Variants in SERPIND1 observed in about 807,000 individuals in gnomAD.
The protein encoded by SERPIND1 is serpin family D member 1, also known as heparin cofactor 2.
In SERPIND1, 34 loss-of-function variants were observed where a neutral mutation model predicts 35.0. The observed-to-expected ratio is 0.97, with a 90% CI of 0.74 to 1.29. SERPIND1 has a LOEUF of 1.29. Among genes scored for constraint, SERPIND1 ranks in the 50% most tolerant of loss-of-function variants. SERPIND1 has a pLI of 0.00. For synonymous variants in SERPIND1, 236 were observed against 241.1 expected (o/e 0.98, Z 0.19); for missense variants, 633 against 637.7 (o/e 0.99, Z 0.08).
intron 2 of SERPIND1, among the ~76,000 whole-genome samples, chr22:20,781,893 T>C (rs1011732907): frequency 5.9e-5 from 9 of 152,210 alleles, no homozygotes; most frequent in African/African-American, 2.2e-4. Flanking sequence ...ATCACAGAGA[T>C]GACACCCACT....
rs1555894632 is a variant in SERPIND1, at chr22:20,785,067, C to CTT, written c.1163+841_1163+842dup. Reference sequence around the variant, plus strand: ...GCAGCTCTTGAGAAAGGGACTGCATCTTTTTTTTTTTTTTTTTTTTGAGAC... The same window carrying CTT: ...GCAGCTCTTGAGAAAGGGACTGCATCTTTTTTTTTTTTTTTTTTTTTTGAGAC... On this transcript the variant is annotated intron_variant, in intron 3 of 4. Transcript: ENST00000215727. 9.4e-4 allele frequency among the ~76,000 whole-genome samples: 126 copies of CTT among 134,422 alleles called. 1 individual carries two copies. Among genetic ancestry groups the CTT allele is most frequent in the African/African-American group, 3.0e-3 (108 of 36,366 alleles). 88.2% of individuals were successfully genotyped at this position (134,422 alleles called of 152,430 possible).
intron 1 of SERPIND1, among the ~76,000 whole-genome samples, chr22:20,777,373 C>G (rs954915822): frequency 6.6e-6 from 1 of 152,024 alleles, no homozygotes; most frequent in East Asian, 1.9e-4. Flanking sequence ...TGCGCCACCA[C>G]GCCGGCTAAT....
chr22:20,785,067 C>CTTTTTT (rs1555894632), intron 3 of SERPIND1, among the ~76,000 whole-genome samples: 1 of 134,452 alleles, frequency 7.4e-6, no homozygotes. Flanking sequence ...GGGACTGCAT[C>CTTTTTT]TTTTTTTTTT....
chr22:20,776,986 T>A (rs930510714), intron 1 of SERPIND1, among the ~76,000 whole-genome samples: 2 of 152,076 alleles, frequency 1.3e-5, no homozygotes, highest in African/African-American at 4.8e-5. Flanking sequence ...CAAATATCTA[T>A]CTAATAGGAA....
chr22:20,781,910 G>A (rs1190613736), intron 2 of SERPIND1, among the ~76,000 whole-genome samples: 1 of 152,326 alleles, frequency 6.6e-6, no homozygotes, highest in East Asian at 1.9e-4. Flanking sequence ...CACTCTGACA[G>A]GGCCGAGGGA....
chr22:20,780,117 C>A lies in SERPIND1; in HGVS notation c.805C>A (p.Leu269Ile). The A allele has an allele frequency of 6.2e-7, 1 of 1,614,182 alleles. No individual in the cohort carries two copies. Among genetic ancestry groups the A allele is most frequent in the East Asian group, 2.2e-5 (1 of 44,884 alleles). Reference protein sequence around the residue: ...ISKTNNHIMKLTKGLIKDALE... With the variant: ...ISKTNNHIMKITKGLIKDALE... ...AAAAACCAACAACCACATCATGAAG[C>A]TCACCAAGGGCCTCATAAAAGATGC... Residue 269 changes from leucine to isoleucine, a missense_variant, in exon 2 of 5, where the codon CTC (leucine) becomes ATC (isoleucine). Coordinates refer to ENST00000215727, the MANE Select transcript of SERPIND1 (RefSeq NM_000185.4).
chr22:20,779,728 G>T lies in SERPIND1; in HGVS notation c.416G>T (p.Arg139Leu), dbSNP rs745527833. The change falls in exon 2 of 5, where the codon CGA becomes CTA. Residue 139 changes from arginine to leucine, a missense_variant. Transcript: ENST00000215727. Reference protein sequence around the residue: ...LNAKFAFNLYRVLKDQVNTFD... With the variant: ...LNAKFAFNLYLVLKDQVNTFD... ...GCCAAGTTCGCTTTCAACCTCTACC[G>T]AGTGCTGAAAGACCAGGTCAACACT... 2 of 1,614,184 alleles carry T rather than the reference G, an allele frequency of 1.2e-6. No individual in the cohort carries two copies. The highest frequency in any genetic ancestry group is 1.7e-5 in the Admixed American group (1 of 60,028).
rs1371152521 is a variant in SERPIND1 at position 20,787,330 on chromosome 22, C to T, written c.*264C>T. ...TTACCTAGAGGGTCTCACCTCCCCA[C>T]TCTTCACAGCAAACCTGAGCAGCGC... On this transcript the variant is annotated 3_prime_UTR_variant, in exon 5 of 5. Coordinates refer to ENST00000215727, the MANE Select transcript of SERPIND1 (RefSeq NM_000185.4). 2.0e-6 allele frequency: 1 copy of T among 498,090 alleles called. No homozygotes were observed. The highest frequency in any genetic ancestry group is 3.8e-5 in the East Asian group (1 of 26,136). 30.9% of individuals were successfully genotyped at this position (498,090 alleles called of 1,614,324 possible). A position where few individuals can be genotyped will look rare whatever the true frequency, so the allele number is the denominator to read the frequency against.
At chr22:20,785,983 C>T (rs1426610229) in intron 3 of SERPIND1, 21 bp from the exon 4 acceptor site, 7 of 1,614,030 alleles carry the variant, frequency 4.3e-6, no homozygotes, top group African/African-American at 2.7e-5. Context: ...AAACTGGGCC[C>T]CCCTTTCCTT....
At chr22:20,774,316 C>T (rs1201766663) in intron 1 of SERPIND1, among the ~76,000 whole-genome samples, 171 bp downstream of exon 1, 2 of 152,090 alleles carry the variant, frequency 1.3e-5, no homozygotes, top group African/African-American at 4.8e-5. Context: ...TGTGTCAGTT[C>T]CATTGTTGGG....
rs142500721 is a variant in SERPIND1 at position 20,784,023 on chromosome 22, G to T, written c.941G>T (p.Arg314Leu). ...GAAATGACACACAACCACAACTTCC[G>T]GCTGAATGAGAGAGAGGTAGTTAAG... ...PVEMTHNHNF[R>L]LNEREVVKVS... Residue 314 changes from arginine to leucine, a missense_variant, in exon 3 of 5, where the codon CGG (arginine) becomes CTG (leucine). Physicochemically the swap from Arg to Leu is moderately radical, Grantham distance 102. Coordinates refer to ENST00000215727, the MANE Select transcript of SERPIND1 (RefSeq NM_000185.4). 1 of 1,614,090 alleles carries T rather than the reference G, an allele frequency of 6.2e-7. No homozygotes were observed. Among genetic ancestry groups the T allele is most frequent in the African/African-American group, 1.3e-5 (1 of 75,002 alleles).
rs1934219157 is a variant in SERPIND1, at chr22:20,786,284, T to C, written c.1308+136T>C. 3 of 977,898 alleles carry C rather than the reference T, an allele frequency of 3.1e-6. No homozygotes were observed. The Admixed American group carries it at 5.6e-5, about 18-fold the overall frequency. 60.6% of individuals were successfully genotyped at this position (977,898 alleles called of 1,614,324 possible). ...TGCTGAGTCTGCTCTTCGGCCTGGG[T>C]GGGATACACAGAATGCCTAGTTTCA... On this transcript the variant is annotated intron_variant, in intron 4 of 4. Coordinates refer to ENST00000215727, the MANE Select transcript of SERPIND1 (RefSeq NM_000185.4).
intron 1 of SERPIND1, among the ~76,000 whole-genome samples, chr22:20,777,219 C>CTT (rs374097207): frequency 7.1e-5 from 10 of 140,984 alleles, no homozygotes; most frequent in South Asian, 2.3e-4. Flanking sequence ...TTTTTCTTTT[C>CTT]TTTTTTTTTT....
At chr22:20,774,478 A>G (rs181105638) in intron 1 of SERPIND1, among the ~76,000 whole-genome samples, 3 of 152,290 alleles carry the variant, frequency 2.0e-5, no homozygotes, top group Admixed American at 2.0e-4. Flanking sequence ...TAAAGGTTAG[A>G]GGGGCCGGGT....
At chr22:20,776,305 C>T in intron 1 of SERPIND1, among the ~76,000 whole-genome samples, 1 of 152,076 alleles carries the variant, frequency 6.6e-6, no homozygotes, top group East Asian at 1.9e-4. Context: ...GCCTGGGTGA[C>T]AGAGTGAGAC....
chr22:20,778,353 A>AATT (rs1355628714), intron 1 of SERPIND1, among the ~76,000 whole-genome samples: 1 of 151,956 alleles, frequency 6.6e-6, no homozygotes. Flanking sequence ...AAAATACAAA[A>AATT]ATTAACCAGG....
chr22:20,776,592 G>T (rs1933301828), intron 1 of SERPIND1, among the ~76,000 whole-genome samples: 2 of 152,192 alleles, frequency 1.3e-5, no homozygotes, highest in Non-Finnish European at 2.9e-5. Flanking sequence ...AAAACAGCTA[G>T]GAAGCTGCTC....
At position 20,787,124 on chromosome 22, in the gene SERPIND1, C is replaced by T; in HGVS notation, c.*58C>T. On this transcript the variant is annotated 3_prime_UTR_variant, in exon 5 of 5. Coordinates refer to ENST00000215727, the MANE Select transcript of SERPIND1 (RefSeq NM_000185.4). The stretch of plus-strand genomic sequence containing the variant: ...GGGCACCCTCATTTTGTTTCCATTC[C>T]AACAACGAGAACAGAGATGTTCTGG... 6.9e-7 allele frequency: 1 copy of T among 1,443,382 alleles called. No individual in the cohort carries two copies. The highest frequency in any genetic ancestry group is 9.7e-7 in the Non-Finnish European group (1 of 1,026,424). 89.4% of individuals were successfully genotyped at this position (1,443,382 alleles called of 1,614,324 possible). A position where few individuals can be genotyped will look rare whatever the true frequency, so the allele number is the denominator to read the frequency against.
Position 20,780,068 on chromosome 22 carries a change from C to T in SERPIND1, c.756C>T (p.Asp252=). 2.5e-6 allele frequency: 4 copies of T among 1,614,166 alleles called. No homozygotes were observed. The highest frequency in any genetic ancestry group is 3.4e-6 in the Non-Finnish European group (4 of 1,180,026). Reference sequence around the variant, plus strand: ...ACTTTGCTGAGGCCCAGATAGCTGACTTCTCAGACCCTGCCTTCATATCAA... The same window carrying T: ...ACTTTGCTGAGGCCCAGATAGCTGATTTCTCAGACCCTGCCTTCATATCAA... ...EYYFAEAQIA[D]FSDPAFISKT... The change falls in exon 2 of 5, where the codon GAC becomes GAT. Residue 252 remains aspartate (D), a synonymous_variant. Transcript: ENST00000215727.
Sources: allele counts gnomAD v4.1 joint callset (sites outside exome capture counted in the v4.1 genomes callset), GRCh38; gene constraint gnomAD v4.1.1; transcripts MANE v1.5; gene names NCBI Gene and HGNC (gene_info 2026-07-23, HGNC 2026-07-21).